Variants in BTNL9 observed in about 807,000 individuals in gnomAD.
BTNL9 encodes butyrophilin like 9.
A neutral mutation model predicts 45.8 loss-of-function variants in BTNL9; 45 were observed. That is an observed-to-expected ratio of 0.98 (90% confidence interval 0.77 to 1.26). BTNL9 has a LOEUF of 1.26. Ranked by LOEUF, BTNL9 falls within the 50% of genes most tolerant of loss-of-function variation. The pLI is 0.00. For synonymous variants in BTNL9, 346 were observed against 330.8 expected (o/e 1.05, Z -0.50); for missense variants, 784 against 729.7 (o/e 1.07, Z -0.86).
chr5:181,052,587 G>C (rs937937378), intron 4 of BTNL9, among the ~76,000 whole-genome samples: 2 of 152,178 alleles, frequency 1.3e-5, no homozygotes, highest in African/African-American at 4.8e-5. Context: ...CTATTCAACC[G>C]CCACAGGGTT....
rs1762093474 is a variant in BTNL9, at chr5:181,060,105, A to T, written c.*243A>T. ...TGAGCGAAGGAGTACAAATATATCC[A>T]CGTCGCTCAGAGCTGGGGTGCTCAC... On this transcript the variant is annotated 3_prime_UTR_variant, in exon 11 of 11. Transcript: ENST00000327705. The T allele has an allele frequency of 6.0e-6, 3 of 498,604 alleles. No homozygotes were observed. Among genetic ancestry groups the T allele is most frequent in the Non-Finnish European group, 1.1e-5 (3 of 284,742 alleles). The allele number at this position is 498,604 out of a possible 1,614,324, so 30.9% of individuals were successfully genotyped here.
chr5:181,047,396 T>A (rs1019198205), intron 2 of BTNL9: 1 of 675,152 alleles, frequency 1.5e-6, no homozygotes, highest in Non-Finnish European at 1.8e-6. Context: ...ATACCCTTTG[T>A]AGAAGCTGTA....
In BTNL9 at chr5:181,053,243, C is replaced by G; in HGVS notation, c.780C>G (p.Val260=). ...PGASAWKSAF[V]ATLPLLLVLA... is the part of the protein sequence containing the mutation. ...CCTCTGCGTGGAAGAGCGCGTTCGTCGCGACCCTGCCGCTGCTGTTGGTCC... is the reference window on the plus strand; with the variant it reads ...CCTCTGCGTGGAAGAGCGCGTTCGTGGCGACCCTGCCGCTGCTGTTGGTCC... Residue 260 remains valine (V), a synonymous_variant, in exon 5 of 11, where the codon GTC becomes GTG. Transcript: ENST00000327705. This position sits in a 1 kb window ranked among gnomAD's most constrained non-coding sequence, Gnocchi z 6.5. The G allele has an allele frequency of 7.6e-6, 12 of 1,588,652 alleles. No individual in the cohort carries two copies. Among genetic ancestry groups the G allele is most frequent in the Non-Finnish European group, 1.0e-5 (12 of 1,168,730 alleles).
intron 9 of BTNL9, chr5:181,056,871 T>C: frequency 2.2e-6 from 1 of 462,702 alleles, no homozygotes; most frequent in South Asian, 3.1e-5. Context: ...AACCTCTGAA[T>C]GCTGAGAAGA....
intron 9 of BTNL9, among the ~76,000 whole-genome samples, chr5:181,057,933 A>C (rs2113257237): frequency 6.6e-6 from 1 of 152,346 alleles, no homozygotes; most frequent in Admixed American, 6.5e-5. Context: ...TTAAGAATGG[A>C]GGCATGCCAG....
At chr5:181,058,193 G>A (rs945408614) in intron 9 of BTNL9, among the ~76,000 whole-genome samples, 159 bp from the exon 10 acceptor site, 1 of 152,180 alleles carries the variant, frequency 6.6e-6, no homozygotes, top group Non-Finnish European at 1.5e-5. Flanking sequence ...AAAATACATG[G>A]TGAACCCCAA....
At chr5:181,056,928 T>C in intron 9 of BTNL9, 1 of 274,374 alleles carries the variant, frequency 3.6e-6, no homozygotes, top group Non-Finnish European at 6.9e-6. Context: ...CTTCCTCTAC[T>C]GAAAATTGCC....
chr5:181,053,364 A>G lies in BTNL9; in HGVS notation c.853+48A>G, dbSNP rs1418337836. 6.6e-7 allele frequency: 1 copy of G among 1,517,442 alleles called. No individual in the cohort carries two copies. The allele number at this position is 1,517,442 out of a possible 1,614,324, so 94.0% of individuals were successfully genotyped here. A position where few individuals can be genotyped will look rare whatever the true frequency, so the allele number is the denominator to read the frequency against. ...GGGGAGGGGCACCGGCCGGTGCTGA[A>G]CCCCGGGGCCGCGGAGGCGCCTCCC... On this transcript the variant is annotated intron_variant, in intron 5 of 10. Transcript: ENST00000327705. The surrounding 1 kb of genome is among the most constrained non-coding windows in gnomAD (Gnocchi z 6.5).
rs1223341176 is a variant in BTNL9, at chr5:181,045,529, G to C, written c.40G>C (p.Val14Leu). ...LSVSPDSLKP[V>L]SLTSSLVFLM... Reference sequence around the variant, plus strand: ...AGTCTCCCCAGACTCCTTGAAGCCAGTATCGCTGACCAGCAGTCTTGTCTT... The same window carrying C: ...AGTCTCCCCAGACTCCTTGAAGCCACTATCGCTGACCAGCAGTCTTGTCTT... The change falls in exon 2 of 11, where the codon GTA becomes CTA. Residue 14 changes from valine (V) to leucine (L), a missense_variant. By Grantham distance (32) the Val-to-Leu change is conservative. Coordinates refer to ENST00000327705, the MANE Select transcript of BTNL9 (RefSeq NM_152547.5). The C allele has an allele frequency of 6.2e-7, 1 of 1,612,598 alleles. No individual in the cohort carries two copies. Among genetic ancestry groups the C allele is most frequent in the Admixed American group, 1.7e-5 (1 of 59,964 alleles).
intron 6 of BTNL9, 161 bp from the exon 7 acceptor site, chr5:181,054,078 G>A (rs1761740714): frequency 2.6e-6 from 4 of 1,548,624 alleles, no homozygotes; most frequent in Non-Finnish European, 3.5e-6. Context: ...CCCCTGCCTG[G>A]AGCCTCACTT....
At chr5:181,058,955 C>T (rs1227041842) in intron 10 of BTNL9, among the ~76,000 whole-genome samples, 1 of 152,068 alleles carries the variant, frequency 6.6e-6, no homozygotes, top group Admixed American at 6.5e-5. Context: ...GGACGTGGCT[C>T]CCTCCCCGCC....
At chr5:181,056,136 T>C in intron 9 of BTNL9, 121 bp downstream of exon 9, 1 of 1,087,190 alleles carries the variant, frequency 9.2e-7, no homozygotes, top group Non-Finnish European at 1.4e-6. Flanking sequence ...ACACAGCATG[T>C]GTTAATCTAT....
Position 181,053,899 on chromosome 5 carries a change from C to T in BTNL9, c.887-340C>T, listed in dbSNP as rs1442182654. 4.0e-6 allele frequency: 6 copies of T among 1,507,696 alleles called. No homozygotes were observed. Among genetic ancestry groups the T allele is most frequent in the Admixed American group, 2.0e-5 (1 of 50,014 alleles). 93.4% of individuals were successfully genotyped at this position (1,507,696 alleles called of 1,614,324 possible). On this transcript the variant is annotated intron_variant, in intron 6 of 10. Transcript: ENST00000327705. The surrounding 1 kb of genome is among the most constrained non-coding windows in gnomAD (Gnocchi z 6.5). ...CCGCACAGGGTCAGGAAGCGGCGGT[C>T]AGGCACCGAGAAAACAGCCCAGTTA...
Position 181,059,897 on chromosome 5 carries a change from G to GC in BTNL9, c.*40dup. 3 of 1,489,922 alleles carry GC rather than the reference G, an allele frequency of 2.0e-6. No individual in the cohort carries two copies. Among genetic ancestry groups the GC allele is most frequent in the South Asian group, 2.6e-5 (2 of 77,182 alleles). The allele number at this position is 1,489,922 out of a possible 1,614,324, so 92.3% of individuals were successfully genotyped here. A position where few individuals can be genotyped will look rare whatever the true frequency, so the allele number is the denominator to read the frequency against. Reference sequence around the variant, plus strand: ...GTGGCCGCGGGACTGGCCCCGGGGGGCCCCCTGGATCCCAGGCCAGCGCTT... The same window carrying GC: ...GTGGCCGCGGGACTGGCCCCGGGGGGCCCCCCTGGATCCCAGGCCAGCGCTT... On this transcript the variant is annotated 3_prime_UTR_variant, in exon 11 of 11. Coordinates refer to ENST00000327705, the MANE Select transcript of BTNL9 (RefSeq NM_152547.5).
At chr5:181,040,824 G>T (rs554568628) in intron 1 of BTNL9, among the ~76,000 whole-genome samples, 314 of 152,350 alleles carry the variant, frequency 2.1e-3, no homozygotes, top group Non-Finnish European at 3.5e-3. Flanking sequence ...GCATTGCAGG[G>T]GGTGTCGGGG....
chr5:181,055,314 A>AT lies in BTNL9; in HGVS notation c.908-119_908-118insT. ...CAAAGAGGAAGCTGTAAAAAAAAAA[A>AT]AATGAAGCTGTGATTAGCAGTGGCT... On this transcript the variant is annotated intron_variant, in intron 7 of 10. Coordinates refer to ENST00000327705, the MANE Select transcript of BTNL9 (RefSeq NM_152547.5). The surrounding 1 kb of genome is among the most constrained non-coding windows in gnomAD (Gnocchi z 4.4). 6.4e-7 allele frequency: 1 copy of AT among 1,571,310 alleles called. No individual in the cohort carries two copies. The highest frequency in any genetic ancestry group is 8.6e-7 in the Non-Finnish European group (1 of 1,163,152).
In BTNL9 at chr5:181,060,100, T is replaced by C. The variant is rs1482505103; in HGVS notation, c.*238T>C. 1.4e-5 allele frequency: 7 copies of C among 506,690 alleles called. No homozygotes were observed. The highest frequency in any genetic ancestry group is 9.7e-5 in the African/African-American group (5 of 51,678). The allele number at this position is 506,690 out of a possible 1,614,324, so 31.4% of individuals were successfully genotyped here. A position where few individuals can be genotyped will look rare whatever the true frequency, so the allele number is the denominator to read the frequency against. ...GGGACTGAGCGAAGGAGTACAAATA[T>C]ATCCACGTCGCTCAGAGCTGGGGTG... On this transcript the variant is annotated 3_prime_UTR_variant, in exon 11 of 11. Coordinates refer to ENST00000327705, the MANE Select transcript of BTNL9 (RefSeq NM_152547.5).
In BTNL9 at chr5:181,040,831, G is replaced by A. The variant is rs543310715; in HGVS notation, c.-24+399G>A. On this transcript the variant is annotated intron_variant, in intron 1 of 10. Transcript: ENST00000327705. ...GGGGAAGGGCATTGCAGGGGGTGTC[G>A]GGGAGGCCCGTGGGAGAGGGCCAAG... Among the ~76,000 whole-genome samples the A allele has an allele frequency of 3.9e-5, 6 of 152,358 alleles. No homozygotes were observed. In the South Asian group the frequency reaches 6.2e-4, roughly 16 times the overall value.
At position 181,053,065 on chromosome 5, in the gene BTNL9, C is replaced by A; in HGVS notation, c.737-135C>A. ...GCCGCGCGCGCTCCCGCTCCACGCC[C>A]GTTTCCCAGGCGGCTGCGGTGGCGC... On this transcript the variant is annotated intron_variant, in intron 4 of 10. Coordinates refer to ENST00000327705, the MANE Select transcript of BTNL9 (RefSeq NM_152547.5). This position sits in a 1 kb window ranked among gnomAD's most constrained non-coding sequence, Gnocchi z 6.5. 1.6e-6 allele frequency: 1 copy of A among 636,150 alleles called. No individual in the cohort carries two copies. Among genetic ancestry groups the A allele is most frequent in the Non-Finnish European group, 2.4e-6 (1 of 415,122 alleles). The allele number at this position is 636,150 out of a possible 1,614,324, so 39.4% of individuals were successfully genotyped here.
Sources: gnomAD v4.1 joint callset for allele counts (sites outside exome capture counted in the v4.1 genomes callset) on GRCh38, gnomAD v4.1.1 for gene constraint, Gnocchi (gnomAD v3.1) non-coding constraint, MANE v1.5 for transcripts, NCBI Gene and HGNC (gene_info 2026-07-23, HGNC 2026-07-21) for gene names.